NOC3L: variants seen among roughly 807,000 people sequenced by gnomAD.
The protein encoded by NOC3L is nucleolar complex protein 3 homolog.
Under a neutral mutation model 102.5 loss-of-function variants are expected in NOC3L, and 85 were observed. The ratio of observed to expected loss-of-function variants is 0.83; its 90% CI spans 0.70 to 0.99. NOC3L has a LOEUF of 0.99. Among genes scored for constraint, NOC3L ranks in the 50% least tolerant of loss-of-function variants. The probability of loss-of-function intolerance (pLI) is 0.00; values close to 1 mark genes in which losing one functional copy is unlikely to be tolerated. For synonymous variants in NOC3L, 303 were observed against 309.4 expected (o/e 0.98, Z 0.22); for missense variants, 878 against 914.9 (o/e 0.96, Z 0.52).
chr10:94,353,075 T>C lies in NOC3L; in HGVS notation c.697-18A>G, dbSNP rs758795260. The C allele has an allele frequency of 3.2e-6, 5 of 1,578,860 alleles. No individual in the cohort carries two copies. The highest frequency in any genetic ancestry group is 1.2e-5 in the South Asian group (1 of 86,050). ...TTTTTAATCTGTTAAAGAAATAGCT[T>C]ATAAAGCTGGAGAAATCATGACGAA... On this transcript the variant is annotated intron_variant, in intron 6 of 20. Coordinates refer to ENST00000371361, the MANE Select transcript of NOC3L (RefSeq NM_022451.11).
At chr10:94,339,702 T>G (rs767500843) in intron 17 of NOC3L, 37 bp downstream of exon 17, 16 of 1,519,416 alleles carry the variant, frequency 1.1e-5, no homozygotes, top group Non-Finnish European at 1.4e-5. Context: ...CATTGCATTA[T>G]AAGAACTTAG....
chr10:94,356,500 CA>C lies in NOC3L; in HGVS notation c.565+34del, dbSNP rs758833816. 35 of 1,351,646 alleles carry C rather than the reference CA, an allele frequency of 2.6e-5. No individual in the cohort carries two copies. The South Asian group carries it at 2.8e-4, about 11-fold the overall frequency. The allele number at this position is 1,351,646 out of a possible 1,614,324, so 83.7% of individuals were successfully genotyped here. On this transcript the variant is annotated intron_variant, in intron 5 of 20. Coordinates refer to ENST00000371361, the MANE Select transcript of NOC3L (RefSeq NM_022451.11). ...ATTTACTATTATGCAAAAAAATTCT[CA>C]ATTAACAATTTAGTAACTGTAAAGA...
At chr10:94,350,550 A>AT (rs2054402441) in intron 8 of NOC3L, among the ~76,000 whole-genome samples, 1 of 151,104 alleles carries the variant, frequency 6.6e-6, no homozygotes, top group South Asian at 2.1e-4. Flanking sequence ...CTCTACTAAC[A>AT]TAAAAAAAAA....
chr10:94,338,915 CA>C (rs937545904), intron 17 of NOC3L, among the ~76,000 whole-genome samples, 179 bp from the exon 18 acceptor site: 6 of 150,522 alleles, frequency 4.0e-5, no homozygotes, highest in African/African-American at 7.3e-5. Context: ...ACAAGAGTTG[CA>C]AAAAAAAATT....
At chr10:94,331,522 G>A (rs1414163712), downstream of NOC3L, 2 of 152,200 alleles carry the variant, frequency 1.3e-5, no homozygotes, top group Admixed American at 1.3e-4. Flanking sequence ...GGATTTTCCT[G>A]GCTGGTGTCT....
chr10:94,322,636 T>G, the NOC3L span, among the ~76,000 whole-genome samples: 4 of 151,530 alleles, frequency 2.6e-5, no homozygotes, highest in African/African-American at 4.9e-5. Context: ...AATACAAAAA[T>G]TAGCTGGGCG....
chr10:94,318,958 G>GAATC, the NOC3L span, among the ~76,000 whole-genome samples: 1 of 152,198 alleles, frequency 6.6e-6, no homozygotes, highest in Non-Finnish European at 1.5e-5. Context: ...TGAGGCAGGA[G>GAATC]AATCACTTGA....
the NOC3L span, among the ~76,000 whole-genome samples, chr10:94,323,932 G>C: frequency 6.6e-6 from 1 of 152,328 alleles, no homozygotes; most frequent in South Asian, 2.1e-4. Context: ...CTGTGATAGA[G>C]ATAGCCCAGT....
At chr10:94,357,779 G>A (rs1057402161) in intron 3 of NOC3L, 6 of 335,912 alleles carry the variant, frequency 1.8e-5, no homozygotes, top group Admixed American at 1.4e-4. Flanking sequence ...AGGGTAATGA[G>A]GATTAAGTGA....
chr10:94,326,797 CTTT>C, the NOC3L span, among the ~76,000 whole-genome samples: 1 of 151,776 alleles, frequency 6.6e-6, no homozygotes, highest in Non-Finnish European at 1.5e-5. Flanking sequence ...ATTCACATGA[CTTT>C]TTTTTTCTTT....
rs1212761088 is a variant in NOC3L at position 94,338,713 on chromosome 10, C to T, written c.1986G>A (p.Leu662=). ...CACTTCCCTGAGATTCACTGTCAAG[C>T]AGTAGATCTGTTTTGGGGAAAGTCT... ...LMHTFPKTDL[L]LDSESQGSGV... Residue 662 remains leucine (L), a synonymous_variant, in exon 18 of 21, where the codon CTG becomes CTA. Coordinates refer to ENST00000371361, the MANE Select transcript of NOC3L (RefSeq NM_022451.11). 1.2e-6 allele frequency: 2 copies of T among 1,613,012 alleles called. No homozygotes were observed. Among genetic ancestry groups the T allele is most frequent in the Non-Finnish European group, 1.7e-6 (2 of 1,179,506 alleles).
At chr10:94,315,647 T>C in the NOC3L span, among the ~76,000 whole-genome samples, 1 of 151,676 alleles carries the variant, frequency 6.6e-6, no homozygotes, top group African/African-American at 2.4e-5. Context: ...TGCACACCTG[T>C]AATCCCAGCT....
chr10:94,353,048 A>T lies in NOC3L; in HGVS notation c.706T>A (p.Leu236Met). Reference protein sequence around the residue: ...LSDPENNIKKLKELRSMLMEQ... With the variant: ...LSDPENNIKKMKELRSMLMEQ... The stretch of plus-strand genomic sequence containing the variant: ...ATCAACATAGAACGTAATTCTTTCA[A>T]TTTTTTAATCTGTTAAAGAAATAGC... The change falls in exon 7 of 21, where the codon TTG becomes ATG. Residue 236 changes from leucine (L) to methionine (M), a missense_variant. Physicochemically the swap from Leu to Met is conservative, Grantham distance 15. Coordinates refer to ENST00000371361, the MANE Select transcript of NOC3L (RefSeq NM_022451.11). The T allele has an allele frequency of 6.2e-7, 1 of 1,603,150 alleles. No homozygotes were observed. The highest frequency in any genetic ancestry group is 8.5e-7 in the Non-Finnish European group (1 of 1,176,898).
the NOC3L span, chr10:94,325,400 A>T: frequency 6.4e-6 from 2 of 314,874 alleles, no homozygotes; most frequent in South Asian, 3.0e-5. Context: ...GTTCAAGACC[A>T]GCCTGACCAA....
chr10:94,354,919 A>G (rs770707408), intron 6 of NOC3L, 44 bp downstream of exon 6: 1 of 1,579,870 alleles, frequency 6.3e-7, no homozygotes, highest in Non-Finnish European at 8.6e-7. Context: ...AGGCATTTAC[A>G]CCATACCTAA....
chr10:94,320,417 G>C, the NOC3L span, among the ~76,000 whole-genome samples: 1 of 152,038 alleles, frequency 6.6e-6, no homozygotes, highest in Non-Finnish European at 1.5e-5. Context: ...TAAATGATTG[G>C]GGCAAGCTTC....
rs540832341 is a variant in NOC3L at position 94,338,477 on chromosome 10, G to A, written c.2091+131C>T. 37 of 966,126 alleles carry A rather than the reference G, an allele frequency of 3.8e-5. 1 individual carries two copies. The South Asian group carries it at 1.0e-3, about 27-fold the overall frequency. 59.8% of individuals were successfully genotyped at this position (966,126 alleles called of 1,614,324 possible). On this transcript the variant is annotated intron_variant, in intron 18 of 20. Transcript: ENST00000371361. ...AGTAAAATGTAGCATACTAACACAGGAATTCTAAAAAAGGCAGCCCCAGAA... is the reference window on the plus strand; with the variant it reads ...AGTAAAATGTAGCATACTAACACAGAAATTCTAAAAAAGGCAGCCCCAGAA...
rs1589561848 is a variant in NOC3L at position 94,333,931 on chromosome 10, C to T, written c.*246G>A. ...TGTACGTGAAGCTTTTAAAAGGCAG[C>T]ATCATCAAGAAAGTAATTTCCAAAT... is the stretch of plus-strand genomic sequence containing the variant. On this transcript the variant is annotated 3_prime_UTR_variant, in exon 21 of 21. Transcript: ENST00000371361. 2 of 282,566 alleles carry T rather than the reference C, an allele frequency of 7.1e-6. No individual in the cohort carries two copies. The highest frequency in any genetic ancestry group is 6.5e-6 in the Non-Finnish European group (1 of 154,318). The allele number at this position is 282,566 out of a possible 1,614,324, so 17.5% of individuals were successfully genotyped here.
At chr10:94,361,925 A>G in intron 1 of NOC3L, 53 bp from the exon 2 acceptor site, 1 of 1,308,866 alleles carries the variant, frequency 7.6e-7, no homozygotes, top group Non-Finnish European at 1.1e-6. Context: ...TTTTTAAATC[A>G]GGTTAAAGAG....
Sources: gnomAD v4.1 joint callset for allele counts (sites outside exome capture counted in the v4.1 genomes callset) on GRCh38, gnomAD v4.1.1 for gene constraint, MANE v1.5 for transcripts, NCBI Gene and HGNC (gene_info 2026-07-23, HGNC 2026-07-21) for gene names.